Variants in GRAMD1B observed in about 807,000 individuals in gnomAD.
GRAMD1B encodes the protein protein Aster-B.
In GRAMD1B, 37 loss-of-function variants were observed where a neutral mutation model predicts 99.7. The ratio of observed to expected loss-of-function variants is 0.37; its 90% CI spans 0.29 to 0.49. The LOEUF (loss-of-function observed/expected upper bound fraction) is 0.49. Among genes scored for constraint, GRAMD1B ranks in the 20% least tolerant of loss-of-function variants. The probability of loss-of-function intolerance (pLI) is 0.98; values close to 1 mark genes in which losing one functional copy is unlikely to be tolerated. For missense variants in GRAMD1B, 888 were observed against 1,009.2 expected (o/e 0.88, Z 1.63); for synonymous variants, 427 against 387.6 (o/e 1.10, Z -1.19).
chr11:123,505,610 C>G (rs544180030), intron 2 of GRAMD1B, among the ~76,000 whole-genome samples: 2 of 152,236 alleles, frequency 1.3e-5, no homozygotes, highest in East Asian at 3.9e-4. Flanking sequence ...ATTATTATCC[C>G]TGTCTTATAG....
exon 1 of GRAMD1B, chr11:123,358,773 CAT>C (rs1946038087): frequency 6.6e-6 from 1 of 152,622 alleles, no homozygotes; most frequent in Non-Finnish European, 1.5e-5. Context: ...CGGGTGTCCA[CAT>C]GAGTGCCTCT....
intron 1 of GRAMD1B, among the ~76,000 whole-genome samples, chr11:123,403,448 G>GATGATAATA (rs1251720908): frequency 8.6e-5 from 12 of 139,178 alleles, no homozygotes; most frequent in Non-Finnish European, 1.4e-4. Flanking sequence ...TGATGATGAT[G>GATGATAATA]ATAATAATAA....
At chr11:123,542,981 T>C (rs990199357) in intron 2 of GRAMD1B, among the ~76,000 whole-genome samples, 2 of 152,190 alleles carry the variant, frequency 1.3e-5, no homozygotes, top group African/African-American at 4.8e-5. Flanking sequence ...TTTTCTTTTT[T>C]TTTTTAAATT....
At chr11:123,500,626 A>T (rs1162735648) in intron 2 of GRAMD1B, among the ~76,000 whole-genome samples, 3 of 152,186 alleles carry the variant, frequency 2.0e-5, no homozygotes, top group Admixed American at 2.0e-4. Flanking sequence ...TTTATGTTCT[A>T]AGGTAATAAT....
At chr11:123,526,582 C>T (rs1029734695) in intron 2 of GRAMD1B, among the ~76,000 whole-genome samples, 3 of 152,102 alleles carry the variant, frequency 2.0e-5, no homozygotes, top group Admixed American at 1.3e-4. Context: ...CTGACCAACA[C>T]GTGATTTTGA....
intron 1 of GRAMD1B, among the ~76,000 whole-genome samples, chr11:123,369,527 A>C (rs1946448092): frequency 6.6e-6 from 1 of 152,082 alleles, no homozygotes; most frequent in South Asian, 2.1e-4. Flanking sequence ...TCCGCCAAGC[A>C]CTGGGGCTAG....
intron 8 of GRAMD1B, 129 bp from the exon 9 acceptor site, chr11:123,603,297 G>A (rs911756667): frequency 3.9e-5 from 25 of 637,930 alleles, no homozygotes; most frequent in East Asian, 1.4e-4. Context: ...GTGGTGGCTC[G>A]CCTCTCATTC....
chr11:123,569,632 C>T (rs1947832314), intron 2 of GRAMD1B, among the ~76,000 whole-genome samples: 2 of 152,232 alleles, frequency 1.3e-5, no homozygotes, highest in Non-Finnish European at 2.9e-5. Context: ...GCTCTCCTCT[C>T]TCAGCCACTT....
chr11:123,450,651 G>A (rs1949848450), intron 1 of GRAMD1B, among the ~76,000 whole-genome samples: 1 of 152,210 alleles, frequency 6.6e-6, no homozygotes. Context: ...TTTGAAGAGC[G>A]ATATGGGAGC....
intron 2 of GRAMD1B, among the ~76,000 whole-genome samples, chr11:123,556,771 C>T (rs190288539): frequency 6.6e-6 from 1 of 152,238 alleles, no homozygotes; most frequent in East Asian, 1.9e-4. Context: ...GGCGTAAGTT[C>T]CGTTTGTGGA....
chr11:123,555,742 T>C (rs1185119162), intron 2 of GRAMD1B, among the ~76,000 whole-genome samples: 2 of 148,686 alleles, frequency 1.3e-5, no homozygotes, highest in Non-Finnish European at 3.0e-5. Context: ...GATAAAATAC[T>C]TTTTTTTTTA....
chr11:123,555,335 A>G (rs1195441987), intron 2 of GRAMD1B, among the ~76,000 whole-genome samples: 1 of 152,116 alleles, frequency 6.6e-6, no homozygotes, highest in Non-Finnish European at 1.5e-5. Flanking sequence ...TGGTATGGTG[A>G]AAAGATGGAT....
chr11:123,383,140 A>C (rs1946940757), intron 1 of GRAMD1B, among the ~76,000 whole-genome samples: 1 of 152,086 alleles, frequency 6.6e-6, no homozygotes, highest in South Asian at 2.1e-4. Context: ...CTGTGAGAAC[A>C]CTCAGGCATT....
intron 1 of GRAMD1B, among the ~76,000 whole-genome samples, chr11:123,443,678 G>A: frequency 6.6e-6 from 1 of 152,054 alleles, no homozygotes; most frequent in East Asian, 1.9e-4. Context: ...TCCCCTCCCA[G>A]GTTCAAGCAT....
chr11:123,431,647 A>G (rs752185938), intron 1 of GRAMD1B, among the ~76,000 whole-genome samples: 9 of 152,248 alleles, frequency 5.9e-5, no homozygotes, highest in Non-Finnish European at 1.0e-4. Flanking sequence ...CTCCGTTTCA[A>G]TCTTATTTTA....
At chr11:123,503,318 G>T (rs1591734379) in intron 2 of GRAMD1B, among the ~76,000 whole-genome samples, 1 of 152,190 alleles carries the variant, frequency 6.6e-6, no homozygotes. Context: ...TGGTGCGATT[G>T]TGCCTGGAGA....
intron 2 of GRAMD1B, among the ~76,000 whole-genome samples, chr11:123,567,326 TC>T (rs750153344): frequency 6.6e-6 from 1 of 152,206 alleles, no homozygotes; most frequent in Non-Finnish European, 1.5e-5. Flanking sequence ...ATGAACCTTT[TC>T]CCCAGCAGCT....
intron 1 of GRAMD1B, among the ~76,000 whole-genome samples, chr11:123,372,753 A>G (rs533407222): frequency 4.6e-5 from 7 of 152,342 alleles, no homozygotes; most frequent in Non-Finnish European, 8.8e-5. Flanking sequence ...ACATTTTAAT[A>G]TCATATGCAT....
intron 6 of GRAMD1B, among the ~76,000 whole-genome samples, chr11:123,595,384 C>A (rs1468854685): frequency 6.6e-6 from 1 of 152,014 alleles, no homozygotes; most frequent in Non-Finnish European, 1.5e-5. Context: ...GCCCCCAGCC[C>A]CTGGGTTCAA....
Sources: gnomAD v4.1 joint callset for allele counts (sites outside exome capture counted in the v4.1 genomes callset) on GRCh38, gnomAD v4.1.1 for gene constraint, MANE v1.5 for transcripts, NCBI Gene and HGNC (gene_info 2026-07-23, HGNC 2026-07-21) for gene names.